Variants in B3GNT5 observed in about 807,000 individuals in gnomAD.
The protein encoded by B3GNT5 is UDP-GlcNAc:betaGal beta-1,3-N-acetylglucosaminyltransferase 5.
In B3GNT5, 11 loss-of-function variants were observed where a neutral mutation model predicts 25.9. The observed-to-expected ratio is 0.42, with a 90% CI of 0.27 to 0.70. The LOEUF (loss-of-function observed/expected upper bound fraction) is 0.70, where lower values mean the gene tolerates loss of function less well. B3GNT5 is among the 30% of genes least tolerant of loss of function. B3GNT5 has a pLI of 0.23. For missense variants in B3GNT5, 385 were observed against 458.4 expected, an observed-to-expected ratio of 0.84 and a Z score of 1.46; for synonymous variants, 166 against 158.6, an observed-to-expected ratio of 1.05 and a Z score of -0.35.
intron 1 of B3GNT5, among the ~76,000 whole-genome samples, chr3:183,260,036 A>C (rs996873378): frequency 1.3e-5 from 2 of 151,986 alleles, no homozygotes; most frequent in African/African-American, 4.8e-5. Context: ...CCTCCCGATG[A>C]GAACTGCAGG....
At position 183,270,264 on chromosome 3, in the gene B3GNT5, A is replaced by G. The variant is rs1468655558; in HGVS notation, c.466A>G (p.Ile156Val). The G allele has an allele frequency of 3.1e-6, 5 of 1,614,098 alleles. No individual in the cohort carries two copies. Among genetic ancestry groups the G allele is most frequent in the Admixed American group, 3.3e-5 (2 of 60,014 alleles). ...LAWEDQRYND[I>V]IQQDFVDSFY... ...TTGGGAAGATCAAAGGTACAATGAT[A>G]TAATTCAGCAAGACTTTGTTGATTC... Residue 156 changes from isoleucine (I) to valine (V), a missense_variant, in exon 2 of 2, where the codon ATA becomes GTA. Transcript: ENST00000326505. The surrounding 1 kb of genome is among the most constrained non-coding windows in gnomAD (Gnocchi z 4.5).
At chr3:183,257,037 A>G (rs1251377263) in intron 1 of B3GNT5, among the ~76,000 whole-genome samples, 2 of 152,238 alleles carry the variant, frequency 1.3e-5, no homozygotes, top group Non-Finnish European at 2.9e-5. Context: ...AGTATAGCTC[A>G]GTATTCTAAA....
Position 183,270,611 on chromosome 3 carries a change from A to T in B3GNT5, c.813A>T (p.Ala271=), listed in dbSNP as rs1225954862. 1 of 1,614,212 alleles carries T rather than the reference A, an allele frequency of 6.2e-7. No homozygotes were observed. The highest frequency in any genetic ancestry group is 8.5e-7 in the Non-Finnish European group (1 of 1,180,030). Residue 271 remains alanine, a synonymous_variant, in exon 2 of 2, where the codon GCA becomes GCT. Coordinates refer to ENST00000326505, the MANE Select transcript of B3GNT5 (RefSeq NM_032047.5). This position sits in a 1 kb window ranked among gnomAD's most constrained non-coding sequence, Gnocchi z 4.5. The part of the protein sequence containing the change: ...SGDVAAKVYE[A]SQTLNSSLYI... ...ATGTAGCTGCCAAAGTCTATGAGGC[A>T]TCACAGACACTAAATTCAAGTCTTT... is the stretch of plus-strand genomic sequence containing the variant.
chr3:183,262,216 C>G (rs1725670846), intron 1 of B3GNT5, among the ~76,000 whole-genome samples: 1 of 149,794 alleles, frequency 6.7e-6, no homozygotes, highest in South Asian at 2.1e-4. Context: ...TTTTATGATA[C>G]TTTATTATAT....
Position 183,271,069 on chromosome 3 carries a change from G to T in B3GNT5, c.*134G>T. 2.5e-6 allele frequency: 2 copies of T among 792,062 alleles called. No homozygotes were observed. The highest frequency in any genetic ancestry group is 1.9e-6 in the Non-Finnish European group (1 of 530,230). 49.1% of individuals were successfully genotyped at this position (792,062 alleles called of 1,614,324 possible). ...TTTTGAAAGCCTAGTCCATCAGAAT[G>T]TTTCTTTGATTCTAGAAGCTGTTTA... On this transcript the variant is annotated 3_prime_UTR_variant, in exon 2 of 2. Transcript: ENST00000326505.
At chr3:183,257,603 CTT>C (rs545599127) in intron 1 of B3GNT5, among the ~76,000 whole-genome samples, 81 of 152,304 alleles carry the variant, frequency 5.3e-4, no homozygotes, top group Non-Finnish European at 9.3e-4. Flanking sequence ...ACATATACCT[CTT>C]GTTTTACACC....
chr3:183,259,499 G>A (rs1725389962), intron 1 of B3GNT5, among the ~76,000 whole-genome samples: 2 of 152,120 alleles, frequency 1.3e-5, no homozygotes, highest in South Asian at 4.1e-4. Flanking sequence ...GTCATTTTAT[G>A]AGCTGACTTT....
At chr3:183,269,230 C>CTT (rs60835895) in intron 1 of B3GNT5, among the ~76,000 whole-genome samples, 2,590 of 80,960 alleles carry the variant, frequency 0.032, 463 homozygotes, top group African/African-American at 0.15. Flanking sequence ...GTTTGGGAAG[C>CTT]TTTTTTTTTT....
In B3GNT5 at chr3:183,272,890, CAATT is replaced by C; in HGVS notation, c.*1957_*1960del. ...TGTTTACAGCAGTGCTTTTGTGAAA[CAATT>C]ATTTATTTGCTGAAAGAGCTCTTCT... is the stretch of plus-strand genomic sequence containing the variant. On this transcript the variant is annotated 3_prime_UTR_variant, in exon 2 of 2. Transcript: ENST00000326505. The C allele has an allele frequency of 2.0e-5, 26 of 1,316,946 alleles. No individual in the cohort carries two copies. Among genetic ancestry groups the C allele is most frequent in the Non-Finnish European group, 2.5e-5 (26 of 1,024,920 alleles). 81.6% of individuals were successfully genotyped at this position (1,316,946 alleles called of 1,614,324 possible).
At chr3:183,266,871 C>T (rs545563826) in intron 1 of B3GNT5, among the ~76,000 whole-genome samples, 1 of 151,852 alleles carries the variant, frequency 6.6e-6, no homozygotes, top group South Asian at 2.1e-4. Flanking sequence ...ATTGCAACCT[C>T]CACCTTCCTG....
intron 1 of B3GNT5, among the ~76,000 whole-genome samples, chr3:183,268,655 C>G (rs73884618): frequency 0.026 from 3,905 of 152,218 alleles, 172 homozygotes; most frequent in African/African-American, 0.087. Context: ...GCTAGGTAAT[C>G]ATCTGTCTAC....
intron 1 of B3GNT5, among the ~76,000 whole-genome samples, chr3:183,259,208 CA>C (rs1487408110): frequency 6.6e-6 from 1 of 152,118 alleles, no homozygotes; most frequent in East Asian, 1.9e-4. Flanking sequence ...GCCAGCCTAA[CA>C]AATCTCAAGA....
intron 1 of B3GNT5, chr3:183,265,261 T>A (rs1344936399): frequency 1.3e-5 from 2 of 152,232 alleles, no homozygotes; most frequent in East Asian, 3.8e-4. Flanking sequence ...TCTAGTCTGT[T>A]GATTGGCCAC....
Position 183,270,109 on chromosome 3 carries a change from G to T in B3GNT5, c.311G>T (p.Arg104Leu). Residue 104 changes from arginine to leucine, a missense_variant, in exon 2 of 2, where the codon CGT becomes CTT. Coordinates refer to ENST00000326505, the MANE Select transcript of B3GNT5 (RefSeq NM_032047.5). The surrounding 1 kb of genome is among the most constrained non-coding windows in gnomAD (Gnocchi z 4.5). Reference sequence around the variant, plus strand: ...ACTGCTCCTGAAAACTATGATCGACGTTCCGGAATTAGAAGGACGTGGGGC... The same window carrying T: ...ACTGCTCCTGAAAACTATGATCGACTTTCCGGAATTAGAAGGACGTGGGGC... ...VKTAPENYDR[R>L]SGIRRTWGNE... 1 of 1,614,082 alleles carries T rather than the reference G, an allele frequency of 6.2e-7. No individual in the cohort carries two copies. Among genetic ancestry groups the T allele is most frequent in the Non-Finnish European group, 8.5e-7 (1 of 1,180,014 alleles).
At chr3:183,260,135 G>A (rs1316629652) in intron 1 of B3GNT5, among the ~76,000 whole-genome samples, 1 of 152,056 alleles carries the variant, frequency 6.6e-6, no homozygotes, top group East Asian at 1.9e-4. Flanking sequence ...CTGCCACAGG[G>A]TCTGGAATTT....
At chr3:183,258,031 C>A (rs1447275464) in intron 1 of B3GNT5, among the ~76,000 whole-genome samples, 2 of 134,562 alleles carry the variant, frequency 1.5e-5, no homozygotes, top group Non-Finnish European at 3.0e-5. Context: ...GCAATGGTGC[C>A]ATCTCGGCTC....
At position 183,258,246 on chromosome 3, in the gene B3GNT5, A is replaced by G. The variant is rs150868603; in HGVS notation, c.-302+4774A>G. The G allele has an allele frequency of 4.0e-3, 619 of 152,960 alleles. 5 individuals carry two copies. The highest frequency in any genetic ancestry group is 0.013 in the Middle Eastern group (4 of 298). 9.5% of individuals were successfully genotyped at this position (152,960 alleles called of 1,614,324 possible). Reference sequence around the variant, plus strand: ...CTCCCAAAGTGCTGGGATTACAGGCATGAGCCACCGCACCCGGCCCACTTC... The same window carrying G: ...CTCCCAAAGTGCTGGGATTACAGGCGTGAGCCACCGCACCCGGCCCACTTC... On this transcript the variant is annotated intron_variant, in intron 1 of 1. Transcript: ENST00000326505.
At chr3:183,261,951 T>C (rs1367129326) in intron 1 of B3GNT5, among the ~76,000 whole-genome samples, 3 of 139,190 alleles carry the variant, frequency 2.2e-5, no homozygotes, top group Non-Finnish European at 4.5e-5. Flanking sequence ...GAGGTTTTCA[T>C]GTCCAGCATT....
At chr3:183,259,305 G>C (rs369547572) in intron 1 of B3GNT5, among the ~76,000 whole-genome samples, 184 of 152,280 alleles carry the variant, frequency 1.2e-3, no homozygotes, top group African/African-American at 4.3e-3. Flanking sequence ...GTCCTAGTGG[G>C]GTGGCAGGGG....
Sources: allele counts gnomAD v4.1 joint callset (sites outside exome capture counted in the v4.1 genomes callset), GRCh38; gene constraint gnomAD v4.1.1; non-coding constraint Gnocchi (gnomAD v3.1); transcripts MANE v1.5; gene names NCBI Gene and HGNC (gene_info 2026-07-23, HGNC 2026-07-21).